Variants in RHOH observed in about 807,000 individuals in gnomAD.
RHOH encodes ras homolog family member H.
In RHOH, 6 loss-of-function variants were observed where a neutral mutation model predicts 13.8. That is an observed-to-expected ratio of 0.44 (90% CI 0.24 to 0.86). The LOEUF is 0.86. RHOH is among the 40% of genes least tolerant of loss of function. The probability of loss-of-function intolerance (pLI) is 0.24; values close to 1 mark genes in which losing one functional copy is unlikely to be tolerated. For synonymous variants in RHOH, 117 were observed against 103.0 expected (o/e 1.14, Z -0.82); for missense variants, 147 against 244.5 (o/e 0.60, Z 2.66).
At chr4:40,198,380 G>A (rs1446454775) in intron 1 of RHOH, among the ~76,000 whole-genome samples, 1 of 152,268 alleles carries the variant, frequency 6.6e-6, no homozygotes, top group African/African-American at 2.4e-5. Flanking sequence ...CACATTGCAG[G>A]AAATCAGATT....
In RHOH at chr4:40,230,825, GT is replaced by G. The variant is rs1411242916; in HGVS notation, c.-330-11887del. On this transcript the variant is annotated intron_variant, in intron 1 of 2. Coordinates refer to ENST00000381799, the MANE Select transcript of RHOH (RefSeq NM_004310.5). ...ACAGACCTTTAAAAGGGAATCAGAA[GT>G]TGGAGTTAGTGCTTCTAGGAATTGT... Among the ~76,000 whole-genome samples the G allele has an allele frequency of 1.3e-3, 197 of 152,250 alleles. 4 individuals carry two copies. The highest frequency in any genetic ancestry group is 4.7e-4 in the Non-Finnish European group (32 of 68,006).
intron 1 of RHOH, among the ~76,000 whole-genome samples, chr4:40,208,352 G>A (rs1299405055): frequency 2.6e-5 from 4 of 152,162 alleles, no homozygotes; most frequent in Non-Finnish European, 4.4e-5. Flanking sequence ...CTTAAGAACT[G>A]TTTCATTAAC....
At chr4:40,231,041 A>G (rs1727867440) in intron 1 of RHOH, among the ~76,000 whole-genome samples, 1 of 152,190 alleles carries the variant, frequency 6.6e-6, no homozygotes, top group Admixed American at 6.5e-5. Context: ...TATCGTGGAC[A>G]CATTTTTAAA....
upstream of RHOH, chr4:40,193,015 A>G (rs1224354277): frequency 6.6e-6 from 1 of 152,360 alleles, no homozygotes; most frequent in African/African-American, 2.4e-5. Context: ...TGGGAGAATC[A>G]ATCTATTTAT....
At chr4:40,215,026 C>T (rs939713382) in intron 1 of RHOH, among the ~76,000 whole-genome samples, 1 of 152,152 alleles carries the variant, frequency 6.6e-6, no homozygotes, top group African/African-American at 2.4e-5. Context: ...AAGTCATATA[C>T]TTTCTTGTTA....
At chr4:40,205,398 A>C (rs1724529858) in intron 1 of RHOH, among the ~76,000 whole-genome samples, 1 of 152,258 alleles carries the variant, frequency 6.6e-6, no homozygotes, top group Non-Finnish European at 1.5e-5. Flanking sequence ...GGTGAAAGGC[A>C]TTAGCATTAG....
At chr4:40,209,163 A>G (rs1724979931) in intron 1 of RHOH, among the ~76,000 whole-genome samples, 1 of 152,164 alleles carries the variant, frequency 6.6e-6, no homozygotes, top group Non-Finnish European at 1.5e-5. Context: ...AAGAAACCTA[A>G]TGCTTTGAAA....
rs200326271 is a variant in RHOH at position 40,223,467 on chromosome 4, T to C, written c.-330-19247T>C. On this transcript the variant is annotated intron_variant, in intron 1 of 2. Coordinates refer to ENST00000381799, the MANE Select transcript of RHOH (RefSeq NM_004310.5). ...GCTGAAGGCTCAGATGATTGTTAGCTTTTTTTTTTTTTTTTTTTTTTTAGA... is the reference window on the plus strand; with the variant it reads ...GCTGAAGGCTCAGATGATTGTTAGCCTTTTTTTTTTTTTTTTTTTTTTAGA... 5.2e-3 allele frequency among the ~76,000 whole-genome samples: 92 copies of C among 17,650 alleles called. 1 individual carries two copies. The South Asian group carries it at 0.071, about 14-fold the overall frequency. The allele number at this position is 17,650 out of a possible 152,430, so 11.6% of individuals were successfully genotyped here. A position where few individuals can be genotyped will look rare whatever the true frequency, so the allele number is the denominator to read the frequency against.
chr4:40,217,758 G>A (rs186285685), intron 1 of RHOH, among the ~76,000 whole-genome samples: 54 of 152,282 alleles, frequency 3.5e-4, no homozygotes, highest in Admixed American at 3.1e-3. Context: ...AAATAGAAAT[G>A]GCAAATTAAT....
rs34766624 is a variant in RHOH, at chr4:40,245,889, G to A, written c.*1927G>A. The A allele has an allele frequency of 0.071, 10,879 of 152,274 alleles. 679 individuals carry two copies. The highest frequency in any genetic ancestry group is 0.19 in the Admixed American group (2,952 of 15,286). The allele number at this position is 152,274 out of a possible 1,614,324, so 9.4% of individuals were successfully genotyped here. On this transcript the variant is annotated 3_prime_UTR_variant, in exon 3 of 3. Transcript: ENST00000381799. ...CACAGCCAGTAAAAGGCCTGGGACC[G>A]GGGTCTTGATCTCTGGTGGGAGGAT...
At position 40,243,945 on chromosome 4, in the gene RHOH, G is replaced by T; in HGVS notation, c.559G>T (p.Glu187Ter). The T allele has an allele frequency of 6.2e-7, 1 of 1,613,492 alleles. No homozygotes were observed. The highest frequency in any genetic ancestry group is 1.1e-5 in the South Asian group (1 of 91,022). Reference sequence around the variant, plus strand: ...CAGAAGGAGGCTCTTCTCCATCAATGAGTGCAAGATCTTCTAAACCCCAAG... The same window carrying T: ...CAGAAGGAGGCTCTTCTCCATCAATTAGTGCAAGATCTTCTAAACCCCAAG... ...RNRRRLFSINECKIF is the reference protein window; with the variant it reads ...RNRRRLFSIN Residue 187 changes from glutamate to a stop codon, truncating the protein, a stop_gained, in exon 3 of 3, where the codon GAG becomes TAG. Coordinates refer to ENST00000381799, the MANE Select transcript of RHOH (RefSeq NM_004310.5). LOFTEE classifies it high-confidence loss of function. This position sits in a 1 kb window ranked among gnomAD's most constrained non-coding sequence, Gnocchi z 6.2.
rs925471945 is a variant in RHOH, at chr4:40,218,398, G to A, written c.-331+21098G>A. On this transcript the variant is annotated intron_variant, in intron 1 of 2. Coordinates refer to ENST00000381799, the MANE Select transcript of RHOH (RefSeq NM_004310.5). The surrounding 1 kb of genome is among the most constrained non-coding windows in gnomAD (Gnocchi z 4.1). ...ACATGCCCAAATTCTGTTCTACCTT[G>A]TGTAAATCTAAGACAGGGGCTACTG... 6.6e-6 allele frequency: 1 copy of A among 152,210 alleles called. No individual in the cohort carries two copies. The highest frequency in any genetic ancestry group is 1.5e-5 in the Non-Finnish European group (1 of 68,040). The allele number at this position is 152,210 out of a possible 1,614,324, so 9.4% of individuals were successfully genotyped here.
At chr4:40,220,174 G>A (rs116558656) in intron 1 of RHOH, among the ~76,000 whole-genome samples, 1,804 of 151,966 alleles carry the variant, frequency 0.012, 35 homozygotes, top group African/African-American at 0.041. Flanking sequence ...AAATACCCAC[G>A]TGCACACCTG....
intron 1 of RHOH, among the ~76,000 whole-genome samples, chr4:40,231,053 G>A (rs1192646020): frequency 6.6e-6 from 1 of 152,128 alleles, no homozygotes; most frequent in Non-Finnish European, 1.5e-5. Context: ...ATTTTTAAAT[G>A]CACTTAAGCA....
upstream of RHOH, among the ~76,000 whole-genome samples, chr4:40,195,353 TTTTC>T (rs1333110146): frequency 5.3e-5 from 7 of 131,196 alleles, no homozygotes; most frequent in South Asian, 2.6e-4. Context: ...CCTTTCTTTC[TTTTC>T]CTTCCTTCCT....
chr4:40,240,481 T>G (rs1729114139), intron 1 of RHOH: 1 of 151,828 alleles, frequency 6.6e-6, no homozygotes, highest in South Asian at 2.1e-4. Context: ...AAAAAATAAA[T>G]AAAGGTGGCC....
At chr4:40,199,300 G>A (rs979138950) in intron 1 of RHOH, among the ~76,000 whole-genome samples, 3 of 152,136 alleles carry the variant, frequency 2.0e-5, no homozygotes, top group African/African-American at 7.2e-5. Flanking sequence ...CACAAATGAA[G>A]GTGTTATGAG....
At chr4:40,195,352 CT>C (rs1723008448), upstream of RHOH, among the ~76,000 whole-genome samples, 1 of 132,860 alleles carries the variant, frequency 7.5e-6, no homozygotes, top group Non-Finnish European at 1.6e-5. Flanking sequence ...TCCTTTCTTT[CT>C]TTTCCTTCCT....
At chr4:40,216,733 G>A (rs1384174869) in intron 1 of RHOH, among the ~76,000 whole-genome samples, 2 of 152,270 alleles carry the variant, frequency 1.3e-5, no homozygotes, top group African/African-American at 2.4e-5. Context: ...TCAAATCTAT[G>A]ATTTCATCTA....
Sources: gnomAD v4.1 joint callset for allele counts (sites outside exome capture counted in the v4.1 genomes callset) on GRCh38, gnomAD v4.1.1 for gene constraint, Gnocchi (gnomAD v3.1) non-coding constraint, MANE v1.5 for transcripts, NCBI Gene and HGNC (gene_info 2026-07-23, HGNC 2026-07-21) for gene names.